Variants in LRRC49 observed in about 807,000 individuals in gnomAD.
The protein encoded by LRRC49 is leucine-rich repeat-containing protein 49.
A neutral mutation model predicts 83.3 loss-of-function variants in LRRC49; 50 were observed. That is an observed-to-expected ratio of 0.60 (90% confidence interval 0.48 to 0.76). The LOEUF is 0.76. Among genes scored for constraint, LRRC49 ranks in the 30% least tolerant of loss-of-function variants. The probability of loss-of-function intolerance (pLI) is 0.00; values close to 1 mark genes in which losing one functional copy is unlikely to be tolerated. For synonymous variants in LRRC49, 286 were observed against 283.3 expected (o/e 1.01, Z -0.10); for missense variants, 704 against 809.1 (o/e 0.87, Z 1.58).
At chr15:70,991,884 CATG>C (rs1282995757) in intron 11 of LRRC49, among the ~76,000 whole-genome samples, 6 of 152,278 alleles carry the variant, frequency 3.9e-5, no homozygotes, top group Non-Finnish European at 7.3e-5. Flanking sequence ...ATTTGAGTGA[CATG>C]AGAATAATGT....
intron 11 of LRRC49, among the ~76,000 whole-genome samples, chr15:70,995,764 C>T (rs115943840): frequency 0.026 from 3,980 of 152,266 alleles, 183 homozygotes; most frequent in African/African-American, 0.091. Context: ...TCTAAAATAA[C>T]TTAAAATCAT....
intron 2 of LRRC49, chr15:70,881,599 T>G (rs1006326381): frequency 6.6e-6 from 1 of 152,170 alleles, no homozygotes; most frequent in Non-Finnish European, 1.5e-5. Flanking sequence ...CCATAGAAAT[T>G]TTTCCTGGTG....
chr15:70,895,801 G>T (rs772036864), intron 2 of LRRC49, 48 bp from the exon 3 acceptor site: 4 of 1,091,048 alleles, frequency 3.7e-6, no homozygotes, highest in Non-Finnish European at 5.6e-6. Flanking sequence ...TCACTGCTTG[G>T]TGTTAAATTT....
chr15:70,942,812 G>T (rs1281812993), intron 8 of LRRC49, among the ~76,000 whole-genome samples: 1 of 152,114 alleles, frequency 6.6e-6, no homozygotes, highest in African/African-American at 2.4e-5. Flanking sequence ...CTCGAAGTGG[G>T]GGGAGAAAAA....
intron 15 of LRRC49, among the ~76,000 whole-genome samples, chr15:71,042,290 T>C (rs1314962181): frequency 6.6e-6 from 1 of 152,168 alleles, no homozygotes; most frequent in Non-Finnish European, 1.5e-5. Context: ...TAAAAACAGA[T>C]AGCTTCAGTG....
At position 70,892,951 on chromosome 15, in the gene LRRC49, G is replaced by T; in HGVS notation, c.48+9G>T. 6.2e-7 allele frequency: 1 copy of T among 1,614,092 alleles called. No individual in the cohort carries two copies. The highest frequency in any genetic ancestry group is 8.5e-7 in the Non-Finnish European group (1 of 1,179,988). Reference sequence around the variant, plus strand: ...GCCGGGCTGCGAACAACGTAAGTTGGGCCTTCTACTTTCTCTTTCTTCCCA... The same window carrying T: ...GCCGGGCTGCGAACAACGTAAGTTGTGCCTTCTACTTTCTCTTTCTTCCCA... On this transcript the variant is annotated intron_variant, in intron 1 of 15. Coordinates refer to ENST00000260382, the MANE Select transcript of LRRC49 (RefSeq NM_017691.5).
chr15:70,919,103 T>A lies in LRRC49; in HGVS notation c.621T>A (p.Leu207=), dbSNP rs1176874095. 4 of 1,612,292 alleles carry A rather than the reference T, an allele frequency of 2.5e-6. No individual in the cohort carries two copies. Among genetic ancestry groups the A allele is most frequent in the Non-Finnish European group, 3.4e-6 (4 of 1,178,630 alleles). The change falls in exon 7 of 16, where the codon CTT becomes CTA. Residue 207 remains leucine, a synonymous_variant. Coordinates refer to ENST00000260382, the MANE Select transcript of LRRC49 (RefSeq NM_017691.5). ...NHLCELRVLN[L]ARNFLSHVDN... ...TGTGTGAGTTGAGAGTTTTAAATCT[T>A]GCCAGGAACTTTTTAAGTCATGTTG...
intron 15 of LRRC49, among the ~76,000 whole-genome samples, chr15:71,037,917 T>C (rs557443596): frequency 1.3e-5 from 2 of 152,168 alleles, no homozygotes; most frequent in Non-Finnish European, 2.9e-5. Flanking sequence ...GGGAATACAA[T>C]GTTGTGGTGC....
At chr15:70,992,218 T>C (rs2037906904) in intron 11 of LRRC49, among the ~76,000 whole-genome samples, 1 of 152,202 alleles carries the variant, frequency 6.6e-6, no homozygotes, top group South Asian at 2.1e-4. Context: ...TGTCTAATCT[T>C]TTCTCAAGGT....
chr15:70,996,983 C>T (rs2038095583), intron 11 of LRRC49, among the ~76,000 whole-genome samples: 1 of 152,050 alleles, frequency 6.6e-6, no homozygotes, highest in Non-Finnish European at 1.5e-5. Context: ...ATGGTCTATC[C>T]CAGAGAATTT....
intron 10 of LRRC49, among the ~76,000 whole-genome samples, chr15:70,982,841 C>A (rs2037453876): frequency 6.6e-6 from 1 of 152,172 alleles, no homozygotes; most frequent in Non-Finnish European, 1.5e-5. Flanking sequence ...TTAAGCAAGC[C>A]ATATCACTTT....
chr15:70,885,390 C>T (rs1319710107), intron 2 of LRRC49, among the ~76,000 whole-genome samples: 1 of 152,106 alleles, frequency 6.6e-6, no homozygotes, highest in Admixed American at 6.5e-5. Flanking sequence ...ACTATAAACC[C>T]TTTCTATTTA....
At chr15:70,856,565 T>G (rs2032658875) in intron 1 of LRRC49, among the ~76,000 whole-genome samples, 1 of 152,228 alleles carries the variant, frequency 6.6e-6, no homozygotes, top group Non-Finnish European at 1.5e-5. Context: ...TGAAATCAAA[T>G]GCAAAACTTG....
intron 15 of LRRC49, among the ~76,000 whole-genome samples, chr15:71,047,840 G>A (rs906662734): frequency 2.6e-5 from 4 of 151,984 alleles, no homozygotes; most frequent in African/African-American, 4.8e-5. Context: ...GCAGTGGCAC[G>A]ACCTCAGCTC....
intron 2 of LRRC49, chr15:70,882,409 A>G (rs2033285113): frequency 7.0e-7 from 1 of 1,423,928 alleles, no homozygotes; most frequent in Non-Finnish European, 9.7e-7. Context: ...ATGTGAGTAA[A>G]GATTTGAAAA....
At chr15:71,009,241 A>C (rs1056773875) in intron 12 of LRRC49, among the ~76,000 whole-genome samples, 1 of 151,844 alleles carries the variant, frequency 6.6e-6, no homozygotes, top group African/African-American at 2.4e-5. Context: ...GTTAGAGGTG[A>C]AGACAGTATG....
intron 1 of LRRC49, among the ~76,000 whole-genome samples, chr15:70,866,935 G>A (rs748417884): frequency 2.6e-5 from 4 of 151,918 alleles, no homozygotes; most frequent in Non-Finnish European, 4.4e-5. Context: ...ACTCCAGATC[G>A]ACTCAAGGCC....
intron 2 of LRRC49, among the ~76,000 whole-genome samples, chr15:70,878,535 G>A (rs1595975937): frequency 6.6e-6 from 1 of 152,142 alleles, no homozygotes; most frequent in East Asian, 1.9e-4. Context: ...CATTTTTCCT[G>A]ATCTAGGGAT....
rs1561691 is a variant in LRRC49, at chr15:71,050,653, G to A, written c.*1041G>A. 0.77 allele frequency: 117,711 copies of A among 151,998 alleles called. 47,044 individuals carry two copies. The highest frequency in any genetic ancestry group is 0.86 in the Non-Finnish European group (58,648 of 67,996). The allele number at this position is 151,998 out of a possible 1,614,324, so 9.4% of individuals were successfully genotyped here. ...GGGAAAACAGGACTAGAAGATGTAC[G>A]ACAGCAAAGACATGCAGAGACATGC... On this transcript the variant is annotated 3_prime_UTR_variant, in exon 16 of 16. Coordinates refer to ENST00000260382, the MANE Select transcript of LRRC49 (RefSeq NM_017691.5).
Sources: gnomAD v4.1 joint callset for allele counts (sites outside exome capture counted in the v4.1 genomes callset) on GRCh38, gnomAD v4.1.1 for gene constraint, MANE v1.5 for transcripts, NCBI Gene and HGNC (gene_info 2026-07-23, HGNC 2026-07-21) for gene names.